Variants in PIP5K1B observed in about 807,000 individuals in gnomAD.
PIP5K1B encodes the protein phosphatidylinositol 4-phosphate 5-kinase type-1 beta.
Under a neutral mutation model 67.0 loss-of-function variants are expected in PIP5K1B, and 42 were observed. That is an observed-to-expected ratio of 0.63 (90% CI 0.49 to 0.81). The LOEUF (loss-of-function observed/expected upper bound fraction) is 0.81, where lower values mean the gene tolerates loss of function less well. Among genes scored for constraint, PIP5K1B ranks in the 30% least tolerant of loss-of-function variants. PIP5K1B has a pLI of 0.00. For synonymous variants in PIP5K1B, 214 were observed against 231.4 expected (o/e 0.92, Z 0.68); for missense variants, 459 against 646.3 (o/e 0.71, Z 3.14).
At chr9:68,899,370 C>T (rs76981965) in intron 8 of PIP5K1B, among the ~76,000 whole-genome samples, 7,779 of 152,202 alleles carry the variant, frequency 0.051, 315 homozygotes, top group East Asian at 0.24. Context: ...CTTAATCTAT[C>T]TTTATATCTA....
chr9:68,712,049 A>G lies in PIP5K1B; in HGVS notation c.-243+6287A>G, dbSNP rs186077648. 6.6e-5 allele frequency among the ~76,000 whole-genome samples: 10 copies of G among 152,312 alleles called. No homozygotes were observed. The East Asian group carries it at 1.9e-3, about 29-fold the overall frequency. The stretch of plus-strand genomic sequence containing the variant: ...CTTCCAAATCTCAGGTTGAAATGTG[A>G]TTCCCCATGCTAGAGGTGGGGCCTG... On this transcript the variant is annotated intron_variant, in intron 1 of 15. Transcript: ENST00000265382.
chr9:68,951,270 G>A (rs967324607), intron 14 of PIP5K1B, among the ~76,000 whole-genome samples: 2 of 152,160 alleles, frequency 1.3e-5, no homozygotes, highest in Non-Finnish European at 2.9e-5. Context: ...TCAAAATGAA[G>A]GATTTGGCTA....
intron 4 of PIP5K1B, among the ~76,000 whole-genome samples, chr9:68,823,248 A>G (rs1049332166): frequency 7.2e-5 from 11 of 152,208 alleles, no homozygotes; most frequent in African/African-American, 2.4e-4. Flanking sequence ...ACAGGTCCCA[A>G]GGATTAGAGC....
intron 15 of PIP5K1B, among the ~76,000 whole-genome samples, chr9:68,993,723 A>C (rs138035712): frequency 2.9e-4 from 44 of 152,298 alleles, no homozygotes; most frequent in African/African-American, 1.0e-3. Context: ...GAAAGAAGCT[A>C]AGTAAAATCT....
chr9:68,792,016 TTAAC>T (rs201530888), intron 2 of PIP5K1B, among the ~76,000 whole-genome samples: 2 of 149,642 alleles, frequency 1.3e-5, no homozygotes, highest in Non-Finnish European at 3.0e-5. Context: ...CTGTTTTTCC[TTAAC>T]TAACTCCTTA....
At chr9:68,876,907 A>G (rs1823926850) in intron 6 of PIP5K1B, 113 bp downstream of exon 6, 1 of 608,340 alleles carries the variant, frequency 1.6e-6, no homozygotes, top group Admixed American at 2.8e-5. Flanking sequence ...TCTGGGGCGT[A>G]GTAAAAGTTC....
chr9:68,912,931 T>A (rs758832468), intron 8 of PIP5K1B, among the ~76,000 whole-genome samples: 11 of 152,222 alleles, frequency 7.2e-5, no homozygotes, highest in African/African-American at 2.2e-4. Flanking sequence ...CTACAGAAGT[T>A]ACAGGAACAC....
chr9:68,740,277 T>A (rs371546415), intron 1 of PIP5K1B, among the ~76,000 whole-genome samples: 1 of 152,260 alleles, frequency 6.6e-6, no homozygotes, highest in Non-Finnish European at 1.5e-5. Flanking sequence ...TAAATAGAAG[T>A]ACTTAAAGCC....
At chr9:68,767,952 GAC>G (rs1380862501) in intron 2 of PIP5K1B, among the ~76,000 whole-genome samples, 2 of 151,942 alleles carry the variant, frequency 1.3e-5, no homozygotes, top group Non-Finnish European at 2.9e-5. Context: ...AAAAAAAACT[GAC>G]ACACATTCCC....
At chr9:68,947,550 A>T (rs765292181) in intron 14 of PIP5K1B, among the ~76,000 whole-genome samples, 8 of 152,158 alleles carry the variant, frequency 5.3e-5, no homozygotes, top group Non-Finnish European at 1.0e-4. Context: ...AACAACCACA[A>T]CACATGGAGC....
At chr9:68,886,840 A>G (rs1824501975) in intron 6 of PIP5K1B, among the ~76,000 whole-genome samples, 1 of 152,176 alleles carries the variant, frequency 6.6e-6, no homozygotes, top group South Asian at 2.1e-4. Flanking sequence ...AGAGAAAACA[A>G]CAAAGTCCTT....
intron 1 of PIP5K1B, among the ~76,000 whole-genome samples, chr9:68,726,024 C>T (rs1440152468): frequency 6.6e-6 from 1 of 152,146 alleles, no homozygotes; most frequent in Non-Finnish European, 1.5e-5. Context: ...ACACTTTTAA[C>T]ACCTATGGAA....
chr9:68,817,825 C>T (rs1364306137), intron 2 of PIP5K1B, among the ~76,000 whole-genome samples: 2 of 150,082 alleles, frequency 1.3e-5, no homozygotes, highest in Admixed American at 1.3e-4. Context: ...CAAAGTGCTA[C>T]GATTACAGGC....
intron 14 of PIP5K1B, among the ~76,000 whole-genome samples, chr9:68,968,441 A>G (rs1299306251): frequency 3.3e-5 from 5 of 150,788 alleles, no homozygotes; most frequent in South Asian, 4.2e-4. Context: ...AATCGTTTCA[A>G]TCTGGAGGCA....
At chr9:68,732,922 G>T (rs902983316) in intron 1 of PIP5K1B, among the ~76,000 whole-genome samples, 1 of 151,736 alleles carries the variant, frequency 6.6e-6, no homozygotes, top group Non-Finnish European at 1.5e-5. Context: ...GGGTTGGGGG[G>T]GGGGCGGCGC....
At position 68,712,361 on chromosome 9, in the gene PIP5K1B, A is replaced by G. The variant is rs192225484; in HGVS notation, c.-243+6599A>G. Among the ~76,000 whole-genome samples, 401 of 152,340 alleles carry G rather than the reference A, an allele frequency of 2.6e-3. 5 individuals carry two copies. The highest frequency in any genetic ancestry group is 9.1e-4 in the Non-Finnish European group (62 of 68,036). On this transcript the variant is annotated intron_variant, in intron 1 of 15. Coordinates refer to ENST00000265382, the MANE Select transcript of PIP5K1B (RefSeq NM_003558.4). ...AGCCAAAATAAAACCTCTTTTCTTT[A>G]TGAATTATGCAGCCTTAGGTATTCC...
At chr9:68,852,073 G>T (rs1420842466) in intron 4 of PIP5K1B, among the ~76,000 whole-genome samples, 1 of 152,162 alleles carries the variant, frequency 6.6e-6, no homozygotes, top group Non-Finnish European at 1.5e-5. Context: ...CAGGTGAGGG[G>T]CAAGGGGAGG....
intron 8 of PIP5K1B, among the ~76,000 whole-genome samples, chr9:68,911,643 C>A (rs1364976154): frequency 6.6e-6 from 1 of 152,098 alleles, no homozygotes; most frequent in Non-Finnish European, 1.5e-5. Flanking sequence ...GTAATCCCAG[C>A]ACTTTAGGAG....
chr9:68,827,454 A>G (rs1275456860), intron 4 of PIP5K1B, among the ~76,000 whole-genome samples: 2 of 152,228 alleles, frequency 1.3e-5, no homozygotes, highest in African/African-American at 4.8e-5. Context: ...AATTTTAGTT[A>G]AATTTAAACT....
Sources: gnomAD v4.1 joint callset for allele counts (sites outside exome capture counted in the v4.1 genomes callset) on GRCh38, gnomAD v4.1.1 for gene constraint, MANE v1.5 for transcripts, NCBI Gene and HGNC (gene_info 2026-07-23, HGNC 2026-07-21) for gene names.